PLA2G4B: variants seen among roughly 807,000 people sequenced by gnomAD.
PLA2G4B encodes phospholipase A2 group IVB, also known as cytosolic phospholipase A2 beta.
In PLA2G4B, 122 loss-of-function variants were observed where a neutral mutation model predicts 95.8. That is an observed-to-expected ratio of 1.27 (90% CI 1.10 to 1.48). The LOEUF (loss-of-function observed/expected upper bound fraction) is 1.48. Among genes scored for constraint, PLA2G4B ranks in the 40% most tolerant of loss-of-function variants. The pLI, the probability that PLA2G4B is intolerant of heterozygous loss-of-function variation, is 0.00. For synonymous variants in PLA2G4B, 518 were observed against 421.5 expected (o/e 1.23, Z -2.80); for missense variants, 1,158 against 996.2 (o/e 1.16, Z -2.19).
intron 7 of PLA2G4B, 48 bp from the exon 8 acceptor site, chr15:41,841,771 G>A: frequency 6.2e-7 from 1 of 1,602,082 alleles, no homozygotes; most frequent in Non-Finnish European, 8.5e-7. Flanking sequence ...TGGGTTCTGT[G>A]GGCAGAGATA....
At position 41,846,792 on chromosome 15, in the gene PLA2G4B, A is replaced by G. The variant is rs1267359369; in HGVS notation, c.1904A>G (p.Asp635Gly). The change falls in exon 18 of 20, where the codon GAC (aspartate) becomes GGC (glycine). Residue 635 changes from aspartate (D) to glycine (G), a missense_variant. Coordinates refer to ENST00000458483, the MANE Select transcript of PLA2G4B (RefSeq NM_001114633.2). ...CTCCTGCAGCCCACTCGGGACGTGG[A>G]CCTCATCCTGTCATTGGACTACAAC... ...LPLLQPTRDV[D>G]LILSLDYNLH... The G allele has an allele frequency of 6.2e-7, 1 of 1,613,596 alleles. No individual in the cohort carries two copies. The highest frequency in any genetic ancestry group is 1.1e-5 in the South Asian group (1 of 91,036).
At chr15:41,844,289 G>C (rs2065490786) in intron 11 of PLA2G4B, among the ~76,000 whole-genome samples, 182 bp from the exon 12 acceptor site, 2 of 152,204 alleles carry the variant, frequency 1.3e-5, no homozygotes, top group Admixed American at 6.5e-5. Context: ...CTTAGGACTG[G>C]AGGAGCTGGG....
rs1262067452 is a variant in PLA2G4B at position 41,843,702 on chromosome 15, G to C, written c.770G>C (p.Gly257Ala). 1 of 1,613,744 alleles carries C rather than the reference G, an allele frequency of 6.2e-7. No homozygotes were observed. The highest frequency in any genetic ancestry group is 1.3e-5 in the African/African-American group (1 of 74,944). ...AGLRELAVRL[G>A]FGPCAEEQAF... ...CTGAGGGAGCTGGCCGTGCGACTGG[G>C]CTTCGGGCCCTGTGCAGAGGAGCAG... Residue 257 changes from glycine (G) to alanine (A), a missense_variant, in exon 11 of 20, where the codon GGC (glycine) becomes GCC (alanine). Transcript: ENST00000458483.
rs1392060169 is a variant in PLA2G4B, at chr15:41,840,564, G to A, written c.123G>A (p.Thr41=). 9 of 1,613,730 alleles carry A rather than the reference G, an allele frequency of 5.6e-6. No individual in the cohort carries two copies. Among genetic ancestry groups the A allele is most frequent in the South Asian group, 3.3e-5 (3 of 91,082 alleles). Residue 41 remains threonine (T), a synonymous_variant, in exon 3 of 20, where the codon ACG becomes ACA. Transcript: ENST00000458483. ...SDCYVTLWLP[T]ACSHRLQTRT... ...GCTACGTGACTCTCTGGCTGCCCAC[G>A]GCCTGCAGCCACAGGCTCCAGACAC...
At chr15:41,843,599 C>T (rs1336404598) in intron 10 of PLA2G4B, 77 bp from the exon 11 acceptor site, 2 of 1,565,164 alleles carry the variant, frequency 1.3e-6, no homozygotes, top group Non-Finnish European at 1.7e-6. Context: ...GTAGGTATTA[C>T]AGGTGAGGCA....
chr15:41,840,184 C>CAGG lies in PLA2G4B; in HGVS notation c.37_38insGGA (p.Leu12_Thr13insArg). 1 of 1,613,326 alleles carries CAGG rather than the reference C, an allele frequency of 6.2e-7. No individual in the cohort carries two copies. The highest frequency in any genetic ancestry group is 8.5e-7 in the Non-Finnish European group (1 of 1,179,992). ...CAGAGGTGTCCAGGACCTGCCTGCT[C>CAGG]ACGGTTCGTGTCCTGCAGGCCCATC... is the stretch of plus-strand genomic sequence containing the variant. On this transcript the variant is annotated inframe_insertion, in exon 2 of 20. Coordinates refer to ENST00000458483, the MANE Select transcript of PLA2G4B (RefSeq NM_001114633.2).
intron 10 of PLA2G4B, 178 bp downstream of exon 10, chr15:41,842,769 C>G: frequency 1.0e-6 from 1 of 965,606 alleles, no homozygotes; most frequent in South Asian, 1.8e-5. Context: ...TGGGAGGAGT[C>G]TTAGCACCTA....
At chr15:41,842,079 C>T in intron 8 of PLA2G4B, 114 bp from the exon 9 acceptor site, 1 of 1,564,006 alleles carries the variant, frequency 6.4e-7, no homozygotes, top group Non-Finnish European at 8.7e-7. Flanking sequence ...CCCATGCTGG[C>T]CTCCCCTTCC....
intron 9 of PLA2G4B, 70 bp downstream of exon 9, chr15:41,842,346 C>A (rs1160724839): frequency 3.1e-6 from 5 of 1,595,828 alleles, no homozygotes; most frequent in South Asian, 2.2e-5. Context: ...AAGGGAGGGG[C>A]CTGCTTCCCG....
intron 8 of PLA2G4B, 92 bp from the exon 9 acceptor site, chr15:41,842,101 T>C (rs1202059084): frequency 1.3e-6 from 2 of 1,584,874 alleles, no homozygotes; most frequent in African/African-American, 2.7e-5. Flanking sequence ...GTCCCTCCCA[T>C]AACTCTATGG....
In PLA2G4B at chr15:41,846,304, C is replaced by T. The variant is rs1300557518; in HGVS notation, c.1702C>T (p.Gln568Ter). The T allele has an allele frequency of 3.1e-6, 5 of 1,613,776 alleles. No homozygotes were observed. Among genetic ancestry groups the T allele is most frequent in the Non-Finnish European group, 3.4e-6 (4 of 1,179,660 alleles). Residue 568 changes from glutamine to a stop codon, truncating the protein, a stop_gained, in exon 17 of 20, where the codon CAG (glutamine) becomes TAG (stop). Transcript: ENST00000458483. LOFTEE classifies it high-confidence loss of function. ...TCTTCTGACGTGGCGTCCACTGGCC[C>T]AGGCCACACATAATTTCCTGCGTGG... ...TDLLTWRPLA[Q>*]ATHNFLRGLH...
chr15:41,838,998 T>A, intron 1 of PLA2G4B, 76 bp downstream of exon 1: 1 of 1,227,956 alleles, frequency 8.1e-7, no homozygotes, highest in South Asian at 1.4e-5. Flanking sequence ...ATGTTTCTTA[T>A]GGGAGCTGTG....
At chr15:41,844,288 G>A (rs1014848637) in intron 11 of PLA2G4B, among the ~76,000 whole-genome samples, 183 bp from the exon 12 acceptor site, 1 of 152,234 alleles carries the variant, frequency 6.6e-6, no homozygotes, top group Non-Finnish European at 1.5e-5. Flanking sequence ...CCTTAGGACT[G>A]GAGGAGCTGG....
In PLA2G4B at chr15:41,847,735, T is replaced by TA; in HGVS notation, c.2222dup (p.Tyr741Ter). The stretch of plus-strand genomic sequence containing the variant: ...TCCCTACCACTACACGAAGGTGACC[T>TA]ACAGCCAGGAGGACGTGGACAAGCT... ...DSPYHYTKVT[Y>*]SQEDVDKLLH... is the part of the protein sequence containing the mutation. Residue 741 changes from tyrosine to a stop codon, truncating the protein, a stop_gained and frameshift_variant, in exon 20 of 20, where the codon TAC (tyrosine) becomes TAAC (stop). Coordinates refer to ENST00000458483, the MANE Select transcript of PLA2G4B (RefSeq NM_001114633.2). LOFTEE classifies it low-confidence loss of function (END_TRUNC). 1 of 1,611,564 alleles carries TA rather than the reference T, an allele frequency of 6.2e-7. No homozygotes were observed. The highest frequency in any genetic ancestry group is 8.5e-7 in the Non-Finnish European group (1 of 1,180,024).
In PLA2G4B at chr15:41,841,052, CAGGGTG is replaced by C. The variant is rs774148974; in HGVS notation, c.354_359del (p.Glu119_Gly120del). On this transcript the variant is annotated splice_acceptor_variant and coding_sequence_variant, in exon 5 of 20. Coordinates refer to ENST00000458483, the MANE Select transcript of PLA2G4B (RefSeq NM_001114633.2). LOFTEE classifies it high-confidence loss of function. ...TCTAACTTACTTCTGGCTCTCTTCC[CAGGGTG>C]AGGGGCGCCTGGAAGTTGAATTTCG... 3 of 1,576,996 alleles carry C rather than the reference CAGGGTG, an allele frequency of 1.9e-6. No homozygotes were observed. The South Asian group carries it at 3.5e-5, about 19-fold the overall frequency.
Position 41,842,121 on chromosome 15 carries a change from G to T in PLA2G4B, c.622-72G>T, listed in dbSNP as rs2065443229. On this transcript the variant is annotated intron_variant, in intron 8 of 19. Transcript: ENST00000458483. ...TCCCATAACTCTATGGCTGCCGGCG[G>T]GAGTTTGGTGAGGTCTTTGCTAGGA... 37 of 1,595,390 alleles carry T rather than the reference G, an allele frequency of 2.3e-5. No homozygotes were observed. In the South Asian group the frequency reaches 3.7e-4, roughly 16 times the overall value.
chr15:41,842,372 C>T (rs2065448879), intron 9 of PLA2G4B, 96 bp downstream of exon 9: 1 of 1,567,944 alleles, frequency 6.4e-7, no homozygotes, highest in African/African-American at 1.4e-5. Flanking sequence ...CCGTGGGTCA[C>T]ACCCTGAGCA....
chr15:41,841,808 C>G lies in PLA2G4B; in HGVS notation c.491-11C>G, dbSNP rs564702057. 1 of 1,612,804 alleles carries G rather than the reference C, an allele frequency of 6.2e-7. No individual in the cohort carries two copies. Among genetic ancestry groups the G allele is most frequent in the East Asian group, 2.2e-5 (1 of 44,840 alleles). ...CGTCCCCAGCCTCTCTGCTCTGGTT[C>G]CTGTTTCCAGCCTCAGAGCACAGAG... On this transcript the variant is annotated splice_polypyrimidine_tract_variant and intron_variant, in intron 7 of 19. Transcript: ENST00000458483.
chr15:41,846,971 C>G, intron 18 of PLA2G4B, 136 bp downstream of exon 18: 1 of 1,225,440 alleles, frequency 8.2e-7, no homozygotes, highest in Non-Finnish European at 1.1e-6. Context: ...TAATTTGCCA[C>G]CAGAGGAGCT....
Sources: gnomAD v4.1 joint callset for allele counts (sites outside exome capture counted in the v4.1 genomes callset) on GRCh38, gnomAD v4.1.1 for gene constraint, MANE v1.5 for transcripts, NCBI Gene and HGNC (gene_info 2026-07-23, HGNC 2026-07-21) for gene names.